The following KRT13 variants were observed in gnomAD, a reference collection of about 807,000 sequenced individuals.
KRT13 encodes keratin, type I cytoskeletal 13.
KRT13 carries 27 observed loss-of-function variants against 40.6 expected under a neutral mutation model. The observed-to-expected ratio is 0.67, with a 90% CI of 0.49 to 0.92. The LOEUF (loss-of-function observed/expected upper bound fraction) is 0.92. Ranked by LOEUF, KRT13 falls within the 40% of genes least tolerant of loss-of-function variation. The probability of loss-of-function intolerance (pLI) is 0.00; values close to 1 mark genes in which losing one functional copy is unlikely to be tolerated. For missense variants in KRT13, 605 were observed against 611.5 expected (o/e 0.99, Z 0.11); for synonymous variants, 266 against 240.3 (o/e 1.11, Z -0.99).
In KRT13 at chr17:41,505,043, T is replaced by C; in HGVS notation, c.495+13A>G. On this transcript the variant is annotated intron_variant, in intron 1 of 7. Coordinates refer to ENST00000246635, the MANE Select transcript of KRT13 (RefSeq NM_153490.3). ...CTTCATGGAGGACCCCTCCTCAGCT[T>C]CCAAGGGCTCACCTTGTCCCGGAGC... The C allele has an allele frequency of 3.7e-6, 6 of 1,614,042 alleles. No individual in the cohort carries two copies. In the South Asian group the frequency reaches 6.6e-5, roughly 18 times the overall value.
chr17:41,504,832 T>C (rs1905001678), intron 1 of KRT13, among the ~76,000 whole-genome samples: 1 of 152,120 alleles, frequency 6.6e-6, no homozygotes, highest in Non-Finnish European at 1.5e-5. Context: ...CTGACCTGAG[T>C]AATAACAATC....
In KRT13 at chr17:41,502,812, T is replaced by G. The variant is rs779663494; in HGVS notation, c.898A>C (p.Ser300Arg). 3.4e-5 allele frequency: 55 copies of G among 1,613,990 alleles called. No homozygotes were observed. The highest frequency in any genetic ancestry group is 1.6e-4 in the Middle Eastern group (1 of 6,084). Residue 300 changes from serine to arginine, a missense_variant and splice_region_variant, in exon 5 of 8, where the codon AGT (serine) becomes CGT (arginine). Transcript: ENST00000246635. ...GACACCTCCTTGTTCAGCTCTGCAC[T>G]CTGAAATGCAAGCAGGAAGAAGGTG... ...RDAEEWFHTK[S>R]AELNKEVSTN...
rs1181717017 is a variant in KRT13 at position 41,503,230 on chromosome 17, G to T, written c.735+57C>A. ...GGACTGTGTCCAGTTGCAGGGGAGG[G>T]CTCCTCCTTCTCACTGGAGGTTGTT... On this transcript the variant is annotated intron_variant, in intron 3 of 7. Transcript: ENST00000246635. 3 of 1,606,568 alleles carry T rather than the reference G, an allele frequency of 1.9e-6. No individual in the cohort carries two copies. The African/African-American group carries it at 4.0e-5, about 21-fold the overall frequency.
At chr17:41,501,949 T>C in intron 6 of KRT13, 1 of 1,454,288 alleles carries the variant, frequency 6.9e-7, no homozygotes, top group Admixed American at 2.6e-5. Flanking sequence ...GTCTGAGAGG[T>C]CTCAAGGGGA....
In KRT13 at chr17:41,501,732, G is replaced by C. The variant is rs1904859688; in HGVS notation, c.1257C>G (p.Phe419Leu). The change falls in exon 7 of 8, where the codon TTC (phenylalanine) becomes TTG (leucine). Residue 419 changes from phenylalanine (F) to leucine (L), a missense_variant. By Grantham distance (22) the Phe-to-Leu change is conservative (BLOSUM62 0). Transcript: ENST00000246635. Reference sequence around the variant, plus strand: ...CTGTTCCCTTACCTGCTGAGGAAGGGAAACCAATCATCCTGGGAGAGAGGA... The same window carrying C: ...CTGTTCCCTTACCTGCTGAGGAAGGCAAACCAATCATCCTGGGAGAGAGGA... Reference protein sequence around the residue: ...LEGQDAKMIGFPSSAGSVSPR... With the variant: ...LEGQDAKMIGLPSSAGSVSPR... 1.3e-6 allele frequency: 2 copies of C among 1,593,090 alleles called. No individual in the cohort carries two copies. The highest frequency in any genetic ancestry group is 2.7e-5 in the African/African-American group (2 of 74,638).
rs761659747 is a variant in KRT13, at chr17:41,502,832, A to C, written c.898-20T>G. 6.2e-7 allele frequency: 1 copy of C among 1,614,178 alleles called. No individual in the cohort carries two copies. Among genetic ancestry groups the C allele is most frequent in the African/African-American group, 1.3e-5 (1 of 75,044 alleles). On this transcript the variant is annotated intron_variant, in intron 4 of 7. Coordinates refer to ENST00000246635, the MANE Select transcript of KRT13 (RefSeq NM_153490.3). ...TGCACTCTGAAATGCAAGCAGGAAGAAGGTGGTGGGGAAGCTCAGCTCGAG... is the reference window on the plus strand; with the variant it reads ...TGCACTCTGAAATGCAAGCAGGAAGCAGGTGGTGGGGAAGCTCAGCTCGAG...
intron 1 of KRT13, chr17:41,504,299 G>C (rs1484666519): frequency 6.2e-6 from 1 of 162,066 alleles, no homozygotes; most frequent in Non-Finnish European, 1.4e-5. Flanking sequence ...CTAGGCCACT[G>C]TCTTGAGATC....
At chr17:41,501,786 G>C (rs202106893) in intron 6 of KRT13, 42 bp from the exon 7 acceptor site, 1 of 1,582,228 alleles carries the variant, frequency 6.3e-7, no homozygotes, top group South Asian at 1.2e-5. Flanking sequence ...GAGGGTAACT[G>C]AGGGCAGGTG....
In KRT13 at chr17:41,505,182, G is replaced by C; in HGVS notation, c.369C>G (p.Arg123=). Residue 123 remains arginine (R), a synonymous_variant, in exon 1 of 8, where the codon CGC becomes CGG. Coordinates refer to ENST00000246635, the MANE Select transcript of KRT13 (RefSeq NM_153490.3). ...DRLASYLEKV[R]ALEEANADLE... is the part of the protein sequence containing the mutation. ...GGTCAGCGTTGGCCTCCTCCAGGGC[G>C]CGCACCTTCTCCAGGTAGGAAGCCA... 6.2e-7 allele frequency: 1 copy of C among 1,614,204 alleles called. No homozygotes were observed. Among genetic ancestry groups the C allele is most frequent in the Non-Finnish European group, 8.5e-7 (1 of 1,180,040 alleles).
chr17:41,503,051 C>T lies in KRT13; in HGVS notation c.783G>A (p.Glu261=). 1 of 1,614,226 alleles carries T rather than the reference C, an allele frequency of 6.2e-7. No individual in the cohort carries two copies. Among genetic ancestry groups the T allele is most frequent in the Non-Finnish European group, 8.5e-7 (1 of 1,180,042 alleles). ...SNQVVGQVNV[E]MDATPGIDLT... is the part of the protein sequence containing the mutation. ...GGTCAATGCCTGGGGTGGCATCCAT[C>T]TCCACGTTGACCTGGCCGACCACCT... Residue 261 remains glutamate (E), a synonymous_variant, in exon 4 of 8, where the codon GAG becomes GAA. Coordinates refer to ENST00000246635, the MANE Select transcript of KRT13 (RefSeq NM_153490.3).
In KRT13 at chr17:41,503,718, G is replaced by T. The variant is rs1904956356; in HGVS notation, c.503C>A (p.Thr168Asn). ...TIEELRDKIL[T>N]ATIENNRVIL... ...GACCCGGTTGTTTTCAATGGTGGCG[G>T]TCAGGATCTACAAAATGCAGAAGAA... The change falls in exon 2 of 8, where the codon ACC (threonine) becomes AAC (asparagine). Residue 168 changes from threonine (T) to asparagine (N), a missense_variant. Physicochemically the swap from Thr to Asn is moderately conservative, Grantham distance 65 (BLOSUM62 0). Transcript: ENST00000246635. 5 of 1,614,006 alleles carry T rather than the reference G, an allele frequency of 3.1e-6. No individual in the cohort carries two copies. The highest frequency in any genetic ancestry group is 4.5e-5 in the East Asian group (2 of 44,874).
chr17:41,502,674 G>T lies in KRT13; in HGVS notation c.1023+13C>A. The T allele has an allele frequency of 6.2e-7, 1 of 1,613,686 alleles. No homozygotes were observed. Among genetic ancestry groups the T allele is most frequent in the Non-Finnish European group, 8.5e-7 (1 of 1,180,034 alleles). ...AGAGGTGGTCGCCACCGGGCAGGAG[G>T]CTGCAGGCATACCATGCTCAGCTGG... is the stretch of plus-strand genomic sequence containing the variant. On this transcript the variant is annotated intron_variant, in intron 5 of 7. Transcript: ENST00000246635.
intron 6 of KRT13, 128 bp downstream of exon 6, chr17:41,502,246 C>G (rs1258668459): frequency 6.3e-7 from 1 of 1,598,676 alleles, no homozygotes; most frequent in Non-Finnish European, 8.5e-7. Flanking sequence ...AAGGAAATGT[C>G]CCCGTAAAGT....
chr17:41,505,210 C>T lies in KRT13; in HGVS notation c.341G>A (p.Arg114His), dbSNP rs267607388. 4 of 1,614,106 alleles carry T rather than the reference C, an allele frequency of 2.5e-6. No individual in the cohort carries two copies. Among genetic ancestry groups the T allele is most frequent in the African/African-American group, 1.3e-5 (1 of 74,936 alleles). ...EKITMQNLND[R>H]LASYLEKVRA... is the part of the protein sequence containing the mutation. ...CACCTTCTCCAGGTAGGAAGCCAGG[C>T]GGTCGTTGAGGTTCTGCATGGTGAT... The change falls in exon 1 of 8, where the codon CGC becomes CAC. Residue 114 changes from arginine to histidine, a missense_variant. Transcript: ENST00000246635.
At chr17:41,501,688 C>CT in intron 7 of KRT13, 31 bp downstream of exon 7, 1 of 1,567,780 alleles carries the variant, frequency 6.4e-7, no homozygotes, top group South Asian at 1.2e-5. Flanking sequence ...CTAACTCTGC[C>CT]TCCCCCTACA....
chr17:41,503,119 G>A (rs1597763146), intron 3 of KRT13, 21 bp from the exon 4 acceptor site: 1 of 1,613,962 alleles, frequency 6.2e-7, no homozygotes, highest in South Asian at 1.1e-5. Flanking sequence ...GGGAAAGGAA[G>A]ATGTGTGAGG....
chr17:41,502,566 T>A lies in KRT13; in HGVS notation c.1052A>T (p.Glu351Val). 1 of 1,613,780 alleles carries A rather than the reference T, an allele frequency of 6.2e-7. No individual in the cohort carries two copies. Among genetic ancestry groups the A allele is most frequent in the South Asian group, 1.1e-5 (1 of 91,086 alleles). Residue 351 changes from glutamate (E) to valine (V), a missense_variant, in exon 6 of 8, where the codon GAG becomes GTG. Transcript: ENST00000246635. ...CTGCAGGGCATAGCGGCACTCCGTCTCTGCCACCGTGTTCTCCAGCCCCGC... is the reference window on the plus strand; with the variant it reads ...CTGCAGGGCATAGCGGCACTCCGTCACTGCCACCGTGTTCTCCAGCCCCGC... ...MKAGLENTVA[E>V]TECRYALQLQ...
chr17:41,502,774 G>A lies in KRT13; in HGVS notation c.936C>T (p.Ala312=), dbSNP rs758595204. 1 of 1,614,162 alleles carries A rather than the reference G, an allele frequency of 6.2e-7. No individual in the cohort carries two copies. Among genetic ancestry groups the A allele is most frequent in the East Asian group, 2.2e-5 (1 of 44,874 alleles). Residue 312 remains alanine (A), a synonymous_variant, in exon 5 of 8, where the codon GCC becomes GCT. Coordinates refer to ENST00000246635, the MANE Select transcript of KRT13 (RefSeq NM_153490.3). ...ELNKEVSTNT[A]MIQTSKTEIT... ...TCTCTGTCTTGCTGGTCTGAATCATGGCAGTGTTGGTAGACACCTCCTTGT... is the reference window on the plus strand; with the variant it reads ...TCTCTGTCTTGCTGGTCTGAATCATAGCAGTGTTGGTAGACACCTCCTTGT...
In KRT13 at chr17:41,503,057, G is replaced by A. The variant is rs369163489; in HGVS notation, c.777C>T (p.Asn259=). The A allele has an allele frequency of 7.7e-5, 124 of 1,614,072 alleles. No homozygotes were observed. The highest frequency in any genetic ancestry group is 9.3e-5 in the Non-Finnish European group (110 of 1,180,040). The change falls in exon 4 of 8, where the codon AAC becomes AAT. Residue 259 remains asparagine, a synonymous_variant. Coordinates refer to ENST00000246635, the MANE Select transcript of KRT13 (RefSeq NM_153490.3). ...TGCCTGGGGTGGCATCCATCTCCAC[G>A]TTGACCTGGCCGACCACCTGGTTGC... ...EFSNQVVGQV[N]VEMDATPGID...
Sources: allele counts gnomAD v4.1 joint callset (sites outside exome capture counted in the v4.1 genomes callset), GRCh38; gene constraint gnomAD v4.1.1; transcripts MANE v1.5; gene names NCBI Gene and HGNC (gene_info 2026-07-23, HGNC 2026-07-21).